Variants in DYM observed in about 807,000 individuals in gnomAD.
The protein encoded by DYM is dymeclin.
Under a neutral mutation model 93.1 loss-of-function variants are expected in DYM, and 78 were observed. That is an observed-to-expected ratio of 0.84 (90% confidence interval 0.70 to 1.01). The LOEUF is 1.01. Among genes scored for constraint, DYM ranks in the 50% least tolerant of loss-of-function variants. The probability of loss-of-function intolerance (pLI) is 0.00; values close to 1 mark genes in which losing one functional copy is unlikely to be tolerated. For synonymous variants in DYM, 321 were observed against 319.7 expected, an observed-to-expected ratio of 1.00 and a Z score of -0.04; for missense variants, 789 against 845.0, an observed-to-expected ratio of 0.93 and a Z score of 0.82.
chr18:49,060,575 C>G (rs1233772834), intron 17 of DYM, among the ~76,000 whole-genome samples: 1 of 146,124 alleles, frequency 6.8e-6, no homozygotes, highest in Non-Finnish European at 1.5e-5. Context: ...CCAGGTCAGG[C>G]ATTGCTGAGT....
intron 16 of DYM, among the ~76,000 whole-genome samples, chr18:49,113,389 T>C (rs548736145): frequency 1.3e-5 from 2 of 152,346 alleles, no homozygotes; most frequent in South Asian, 4.1e-4. Context: ...AGCCTGATCA[T>C]ATCACCTTAT....
At chr18:49,264,430 T>A (rs2094538336) in intron 11 of DYM, among the ~76,000 whole-genome samples, 2 of 152,184 alleles carry the variant, frequency 1.3e-5, no homozygotes, top group African/African-American at 4.8e-5. Flanking sequence ...TACCAGCATA[T>A]GAGAGTCCTT....
intron 1 of DYM, among the ~76,000 whole-genome samples, chr18:49,441,153 ATATATATTATATATTATATAAT>A (rs1302892526): frequency 3.0e-3 from 19 of 6,354 alleles, no homozygotes; most frequent in African/African-American, 5.3e-3. Context: ...ATATAATATA[ATATATATTATATATTATATAAT>A]TATATATTTA....
intron 2 of DYM, among the ~76,000 whole-genome samples, chr18:49,408,182 A>T (rs1402214384): frequency 1.1e-4 from 16 of 152,240 alleles, no homozygotes; most frequent in Admixed American, 1.0e-3. Context: ...ATTATGTTAT[A>T]CACATGGTTT....
chr18:49,330,787 T>A (rs1406081150), intron 8 of DYM, among the ~76,000 whole-genome samples: 3 of 152,272 alleles, frequency 2.0e-5, no homozygotes, highest in East Asian at 3.9e-4. Context: ...ATGAGGAAAC[T>A]GGATAGGAGT....
rs142570629 is a variant in DYM, at chr18:49,192,710, A to G, written c.1625+16841T>C. On this transcript the variant is annotated intron_variant, in intron 14 of 17. Coordinates refer to ENST00000675505, the MANE Select transcript of DYM (RefSeq NM_001353214.3). Reference sequence around the variant, plus strand: ...CAGTAGTTTGAAATCTAGTAGTGTAATGCTCCAGCTTTGTTCTTTTTTGCT... The same window carrying G: ...CAGTAGTTTGAAATCTAGTAGTGTAGTGCTCCAGCTTTGTTCTTTTTTGCT... Among the ~76,000 whole-genome samples the G allele has an allele frequency of 1.8e-4, 28 of 152,050 alleles. No homozygotes were observed. The East Asian group carries it at 4.8e-3, about 26-fold the overall frequency.
At chr18:49,130,352 A>C (rs2083271035) in intron 15 of DYM, among the ~76,000 whole-genome samples, 1 of 152,240 alleles carries the variant, frequency 6.6e-6, no homozygotes, top group South Asian at 2.1e-4. Context: ...ACCAACTCCC[A>C]TTAATAGTCT....
At chr18:49,157,597 A>T (rs1388338959) in intron 15 of DYM, among the ~76,000 whole-genome samples, 3 of 152,158 alleles carry the variant, frequency 2.0e-5, no homozygotes, top group Non-Finnish European at 4.4e-5. Flanking sequence ...ACAAAATATA[A>T]TATTTGCCCA....
At chr18:49,170,916 G>A (rs2088624262) in intron 14 of DYM, among the ~76,000 whole-genome samples, 2 of 151,000 alleles carry the variant, frequency 1.3e-5, no homozygotes, top group African/African-American at 4.9e-5. Flanking sequence ...TGGAAGCCAA[G>A]AGAACAATTT....
chr18:49,259,360 T>A (rs555076598), intron 11 of DYM, among the ~76,000 whole-genome samples: 1 of 152,206 alleles, frequency 6.6e-6, no homozygotes, highest in African/African-American at 2.4e-5. Flanking sequence ...TAATTACCAG[T>A]GCACATGAAA....
chr18:49,087,341 TAA>T (rs1433629053), intron 17 of DYM, among the ~76,000 whole-genome samples: 2 of 152,234 alleles, frequency 1.3e-5, no homozygotes, highest in Non-Finnish European at 2.9e-5. Context: ...GCAATAATAA[TAA>T]AGACTAAATT....
At chr18:49,146,173 C>G (rs2085112627) in intron 15 of DYM, among the ~76,000 whole-genome samples, 1 of 152,070 alleles carries the variant, frequency 6.6e-6, no homozygotes, top group South Asian at 2.1e-4. Context: ...CTAAAAACAA[C>G]CACACACACA....
chr18:49,300,369 G>A lies in DYM; in HGVS notation c.764-13753C>T, dbSNP rs996729598. On this transcript the variant is annotated intron_variant, in intron 8 of 17. Coordinates refer to ENST00000675505, the MANE Select transcript of DYM (RefSeq NM_001353214.3). ...AATCCTAGCACTCTGGGAGGCTGAG[G>A]TGGGCCGGTTCCCTGAGCTCAGGAG... 2.6e-5 allele frequency among the ~76,000 whole-genome samples: 4 copies of A among 152,008 alleles called. No individual in the cohort carries two copies. The South Asian group carries it at 6.2e-4, about 24-fold the overall frequency.
At chr18:49,370,205 G>A (rs1332840972) in intron 5 of DYM, among the ~76,000 whole-genome samples, 2 of 151,180 alleles carry the variant, frequency 1.3e-5, no homozygotes, top group Non-Finnish European at 2.9e-5. Flanking sequence ...ATGAACCTGG[G>A]AGGCGGAGGT....
At chr18:49,313,240 C>T (rs953329232) in intron 8 of DYM, among the ~76,000 whole-genome samples, 4 of 151,692 alleles carry the variant, frequency 2.6e-5, no homozygotes, top group South Asian at 2.1e-4. Context: ...CCGAGGCAGG[C>T]GGATCACGAG....
In DYM at chr18:49,044,061, G is replaced by A. The variant is rs892140659; in HGVS notation, c.2169C>T (p.Ser723=). The A allele has an allele frequency of 5.6e-6, 9 of 1,613,304 alleles. No individual in the cohort carries two copies. The highest frequency in any genetic ancestry group is 2.2e-5 in the East Asian group (1 of 44,888). The change falls in exon 18 of 18, where the codon TCC becomes TCT. Residue 723 remains serine, a synonymous_variant. Transcript: ENST00000675505. ...PQDIQLFTMD[S]D Reference sequence around the variant, plus strand: ...GTGGGAGAGCATCCTGCCCTCAGTCGGAATCCATGGTGAACAGCTGGATGT... The same window carrying A: ...GTGGGAGAGCATCCTGCCCTCAGTCAGAATCCATGGTGAACAGCTGGATGT...
At chr18:49,089,209 A>AGACC (rs1221442552) in intron 17 of DYM, among the ~76,000 whole-genome samples, 1 of 152,214 alleles carries the variant, frequency 6.6e-6, no homozygotes, top group East Asian at 1.9e-4. Context: ...AATACCTACC[A>AGACC]GAGCACCTGG....
intron 14 of DYM, among the ~76,000 whole-genome samples, chr18:49,194,934 T>C (rs1457063556): frequency 2.6e-5 from 4 of 152,180 alleles, no homozygotes; most frequent in African/African-American, 4.8e-5. Context: ...AATTTACTTA[T>C]GCCAAAGGAA....
chr18:49,213,280 T>C (rs1192360410), intron 13 of DYM, among the ~76,000 whole-genome samples: 7 of 151,662 alleles, frequency 4.6e-5, no homozygotes, highest in Non-Finnish European at 1.0e-4. Context: ...CACATTTCCA[T>C]AGGAACTTTT....
Sources: allele counts gnomAD v4.1 joint callset (sites outside exome capture counted in the v4.1 genomes callset), GRCh38; gene constraint gnomAD v4.1.1; transcripts MANE v1.5; gene names NCBI Gene and HGNC (gene_info 2026-07-23, HGNC 2026-07-21).